USP25: variants seen among roughly 807,000 people sequenced by gnomAD.
The protein encoded by USP25 is ubiquitin specific peptidase 25, also known as ubiquitin carboxyl-terminal hydrolase 25.
In USP25, 85 loss-of-function variants were observed where a neutral mutation model predicts 158.5. The observed-to-expected ratio is 0.54, with a 90% CI of 0.45 to 0.64. USP25 has a LOEUF of 0.64. Among genes scored for constraint, USP25 ranks in the 30% least tolerant of loss-of-function variants. The probability of loss-of-function intolerance (pLI) is 0.00; values close to 1 mark genes in which losing one functional copy is unlikely to be tolerated. For synonymous variants in USP25, 464 were observed against 460.4 expected (o/e 1.01, Z -0.10); for missense variants, 1,242 against 1,327.3 (o/e 0.94, Z 1.00).
intron 6 of USP25, among the ~76,000 whole-genome samples, chr21:15,801,139 T>A (rs1470703103): frequency 6.6e-6 from 1 of 151,628 alleles, no homozygotes; most frequent in Non-Finnish European, 1.5e-5. Context: ...TTGAGAATTA[T>A]CATTTCTAGT....
intron 24 of USP25, among the ~76,000 whole-genome samples, chr21:15,874,777 CTG>C (rs2040034243): frequency 6.6e-6 from 1 of 152,128 alleles, no homozygotes; most frequent in African/African-American, 2.4e-5. Context: ...GTTTACATTT[CTG>C]TATTTAGATT....
chr21:15,754,454 C>T (rs2033245536), intron 1 of USP25, among the ~76,000 whole-genome samples: 2 of 152,202 alleles, frequency 1.3e-5, no homozygotes, highest in Admixed American at 1.3e-4. Flanking sequence ...CATTTGGTGC[C>T]TAGCAGTGCT....
rs1346881569 is a variant in USP25, at chr21:15,816,856, G to A, written c.932-1842G>A. On this transcript the variant is annotated intron_variant, in intron 9 of 25. Transcript: ENST00000400183. This position sits in a 1 kb window ranked among gnomAD's most constrained non-coding sequence, Gnocchi z 4.0. The stretch of plus-strand genomic sequence containing the variant: ...CCATTTTCAGTCCATAATCTGCCAG[G>A]CATGATGGTTCATGCCTGTAATCCC... 6.6e-6 allele frequency among the ~76,000 whole-genome samples: 1 copy of A among 152,072 alleles called. No homozygotes were observed. The highest frequency in any genetic ancestry group is 1.5e-5 in the Non-Finnish European group (1 of 68,006).
chr21:15,802,880 G>A (rs189295789), intron 6 of USP25, among the ~76,000 whole-genome samples: 3 of 151,724 alleles, frequency 2.0e-5, no homozygotes, highest in Admixed American at 1.3e-4. Flanking sequence ...TTCTTGAGAA[G>A]ATTGGTGAAA....
rs2040150843 is a variant in USP25 at position 15,877,678 on chromosome 21, T to G, written c.3010-118T>G. The G allele has an allele frequency of 4.2e-6, 3 of 716,112 alleles. No homozygotes were observed. The South Asian group carries it at 6.3e-5, about 15-fold the overall frequency. 44.4% of individuals were successfully genotyped at this position (716,112 alleles called of 1,614,324 possible). On this transcript the variant is annotated intron_variant, in intron 24 of 25. Coordinates refer to ENST00000400183, the MANE Select transcript of USP25 (RefSeq NM_001283041.3). ...TTGAGATTGTTTTCTCTAAATACCG[T>G]TTGTTCTAATACTGTTTGTGAACAT...
At chr21:15,805,855 A>T (rs2146272361) in intron 7 of USP25, among the ~76,000 whole-genome samples, 1 of 152,342 alleles carries the variant, frequency 6.6e-6, no homozygotes, top group East Asian at 1.9e-4. Flanking sequence ...GTGTTCAAAA[A>T]GATAGCGGCA....
chr21:15,808,904 T>C lies in USP25; in HGVS notation c.857+19T>C, dbSNP rs1427741409. 4 of 1,581,808 alleles carry C rather than the reference T, an allele frequency of 2.5e-6. No individual in the cohort carries two copies. In the South Asian group the frequency reaches 4.6e-5, roughly 18 times the overall value. ...AGGAGACGTAAGTTACCGTGAAGTT[T>C]AGCAATGGGGTTTTAGGAATTCATT... On this transcript the variant is annotated intron_variant, in intron 8 of 25. Transcript: ENST00000400183.
intron 20 of USP25, among the ~76,000 whole-genome samples, chr21:15,856,539 T>G (rs1445831956): frequency 2.6e-5 from 4 of 152,050 alleles, no homozygotes; most frequent in African/African-American, 9.7e-5. Context: ...TGGCGCAGTC[T>G]CGGCTCACTG....
chr21:15,878,445 C>T lies in USP25; in HGVS notation c.3348C>T (p.Ser1116=), dbSNP rs2146623938. Residue 1116 remains serine, a synonymous_variant, in exon 26 of 26, where the codon TCC becomes TCT. Coordinates refer to ENST00000400183, the MANE Select transcript of USP25 (RefSeq NM_001283041.3). ...AGCGATTTGCCCGAATCATGTTGTCCCTCAGTCGAACTCCTGCTGATGGAA... is the reference window on the plus strand; with the variant it reads ...AGCGATTTGCCCGAATCATGTTGTCTCTCAGTCGAACTCCTGCTGATGGAA... ...LCERFARIML[S]LSRTPADGR 1 of 1,613,970 alleles carries T rather than the reference C, an allele frequency of 6.2e-7. No homozygotes were observed. Among genetic ancestry groups the T allele is most frequent in the East Asian group, 2.2e-5 (1 of 44,872 alleles).
intron 1 of USP25, among the ~76,000 whole-genome samples, chr21:15,732,726 T>C (rs1259349167): frequency 6.6e-6 from 1 of 152,196 alleles, no homozygotes; most frequent in Non-Finnish European, 1.5e-5. Context: ...TTTAAAACTT[T>C]TATTTTGCAG....
chr21:15,811,752 G>T (rs1476254755), intron 9 of USP25, among the ~76,000 whole-genome samples: 2 of 152,040 alleles, frequency 1.3e-5, no homozygotes, highest in East Asian at 3.9e-4. Context: ...TTAAAATTTG[G>T]CCTAAGTAGT....
At chr21:15,800,546 A>AG (rs1263597504) in intron 6 of USP25, among the ~76,000 whole-genome samples, 1 of 151,368 alleles carries the variant, frequency 6.6e-6, no homozygotes, top group Non-Finnish European at 1.5e-5. Flanking sequence ...TAAAAAAAAA[A>AG]AAAGACTTAT....
intron 1 of USP25, among the ~76,000 whole-genome samples, chr21:15,739,490 G>C (rs992711650): frequency 8.5e-5 from 13 of 152,056 alleles, no homozygotes; most frequent in African/African-American, 2.9e-4. Context: ...TAGTTTGTCA[G>C]TCTCTTCTCT....
At chr21:15,831,326 T>G (rs2037789455) in intron 15 of USP25, 75 bp from the exon 16 acceptor site, 2 of 1,380,506 alleles carry the variant, frequency 1.4e-6, no homozygotes, top group Non-Finnish European at 2.0e-6. Context: ...AAACAGGTTG[T>G]TTGTGGGTTT....
At chr21:15,782,999 C>T (rs1191415203) in intron 4 of USP25, among the ~76,000 whole-genome samples, 3 of 151,332 alleles carry the variant, frequency 2.0e-5, no homozygotes, top group Non-Finnish European at 2.9e-5. Context: ...AACAATTTAA[C>T]GAAATTAATA....
chr21:15,732,992 A>T (rs945820440), intron 1 of USP25, among the ~76,000 whole-genome samples: 4 of 152,126 alleles, frequency 2.6e-5, no homozygotes, highest in African/African-American at 7.2e-5. Flanking sequence ...TTGGCAGCAG[A>T]TGAGTTAAAT....
intron 2 of USP25, among the ~76,000 whole-genome samples, chr21:15,765,526 T>G (rs1472784086): frequency 6.6e-6 from 1 of 152,070 alleles, no homozygotes; most frequent in Non-Finnish European, 1.5e-5. Context: ...TTTTGCCATT[T>G]TCTTCCCATG....
intron 10 of USP25, 103 bp from the exon 11 acceptor site, chr21:15,823,936 T>A: frequency 8.7e-7 from 1 of 1,154,780 alleles, no homozygotes; most frequent in Non-Finnish European, 1.2e-6. Context: ...CGCATTGTGG[T>A]GATACATATA....
chr21:15,768,161 A>G (rs1341769719), intron 3 of USP25, among the ~76,000 whole-genome samples: 2 of 152,122 alleles, frequency 1.3e-5, no homozygotes, highest in Non-Finnish European at 2.9e-5. Context: ...ACCGATTGTC[A>G]TATTGAGTAA....
Sources: allele counts gnomAD v4.1 joint callset (sites outside exome capture counted in the v4.1 genomes callset), GRCh38; gene constraint gnomAD v4.1.1; non-coding constraint Gnocchi (gnomAD v3.1); transcripts MANE v1.5; gene names NCBI Gene and HGNC (gene_info 2026-07-23, HGNC 2026-07-21).